The following KCNIP4 variants were observed in gnomAD, a reference collection of about 807,000 sequenced individuals.
The protein encoded by KCNIP4 is potassium voltage-gated channel interacting protein 4, also known as Kv channel-interacting protein 4.
Under a neutral mutation model 34.0 loss-of-function variants are expected in KCNIP4, and 12 were observed. That is an observed-to-expected ratio of 0.35 (90% CI 0.23 to 0.57). The LOEUF (loss-of-function observed/expected upper bound fraction) is 0.57, where lower values mean the gene tolerates loss of function less well. Among genes scored for constraint, KCNIP4 ranks in the 20% least tolerant of loss-of-function variants. KCNIP4 has a pLI of 0.83. For synonymous variants in KCNIP4, 124 were observed against 102.2 expected, an observed-to-expected ratio of 1.21 and a Z score of -1.29; for missense variants, 238 against 311.7, an observed-to-expected ratio of 0.76 and a Z score of 1.78.
intron 1 of KCNIP4, among the ~76,000 whole-genome samples, chr4:21,688,067 G>C (rs1033780457): frequency 2.6e-5 from 4 of 151,994 alleles, no homozygotes; most frequent in African/African-American, 4.8e-5. Context: ...AATTACATGG[G>C]CAAAGAAACT....
intron 1 of KCNIP4, among the ~76,000 whole-genome samples, chr4:21,436,501 CA>C (rs1726955180): frequency 6.6e-6 from 1 of 152,212 alleles, no homozygotes; most frequent in Non-Finnish European, 1.5e-5. Context: ...TTCTAAAATG[CA>C]TTCCAAAAAT....
At chr4:21,814,845 G>A (rs1190142507) in intron 1 of KCNIP4, among the ~76,000 whole-genome samples, 1 of 152,130 alleles carries the variant, frequency 6.6e-6, no homozygotes, top group East Asian at 1.9e-4. Context: ...AGTTCCACAG[G>A]AAATACCATC....
chr4:21,426,278 C>T (rs1198827215), intron 1 of KCNIP4, among the ~76,000 whole-genome samples: 1 of 152,158 alleles, frequency 6.6e-6, no homozygotes, highest in Non-Finnish European at 1.5e-5. Context: ...TAGATATGGA[C>T]ACATGGAGTC....
chr4:21,315,003 C>A (rs1713580610), intron 1 of KCNIP4, among the ~76,000 whole-genome samples: 1 of 152,152 alleles, frequency 6.6e-6, no homozygotes. Context: ...CTATTCACTT[C>A]CTCAAGTTAG....
At chr4:21,580,787 T>C (rs181397398) in intron 1 of KCNIP4, among the ~76,000 whole-genome samples, 1 of 152,196 alleles carries the variant, frequency 6.6e-6, no homozygotes, top group Admixed American at 6.5e-5. Context: ...AAGTACCTTA[T>C]ACAGTGTCAA....
intron 1 of KCNIP4, among the ~76,000 whole-genome samples, chr4:21,665,518 C>G (rs74948050): frequency 6.7e-6 from 1 of 150,052 alleles, no homozygotes; most frequent in Admixed American, 6.6e-5. Flanking sequence ...GGCACCCCCC[C>G]CCCCTCATTT....
At chr4:20,890,649 A>G (rs1165777579) in intron 1 of KCNIP4, among the ~76,000 whole-genome samples, 1 of 152,148 alleles carries the variant, frequency 6.6e-6, no homozygotes, top group Non-Finnish European at 1.5e-5. Flanking sequence ...TTACTCCCAT[A>G]TCTCTGCATC....
In KCNIP4 at chr4:21,180,909, T is replaced by A. The variant is rs116753807; in HGVS notation, c.62-298200A>T. On this transcript the variant is annotated intron_variant, in intron 1 of 8. Transcript: ENST00000382152. ...TCTAATCTCCTGGTTATGAAAAAAA[T>A]ACTTAAAAGTTTATACTGAAAGGGG... is the stretch of plus-strand genomic sequence containing the variant. Among the ~76,000 whole-genome samples, 1,519 of 152,180 alleles carry A rather than the reference T, an allele frequency of 1.0e-2. 25 individuals are homozygous for A. The highest frequency in any genetic ancestry group is 0.035 in the African/African-American group (1,442 of 41,538).
chr4:20,983,702 G>T, intron 1 of KCNIP4: 1 of 816,994 alleles, frequency 1.2e-6, no homozygotes, highest in Non-Finnish European at 1.9e-6. Flanking sequence ...TGCCAAACAT[G>T]CATATTTTAA....
intron 1 of KCNIP4, among the ~76,000 whole-genome samples, chr4:21,386,070 G>A (rs570372628): frequency 6.6e-6 from 1 of 152,194 alleles, no homozygotes; most frequent in South Asian, 2.1e-4. Context: ...ATAAATATGG[G>A]GAAATTACTT....
intron 3 of KCNIP4, among the ~76,000 whole-genome samples, chr4:20,783,874 C>A (rs750764360): frequency 2.6e-5 from 4 of 152,088 alleles, no homozygotes; most frequent in Non-Finnish European, 4.4e-5. Context: ...CATAAAGGAT[C>A]CATTTCATCA....
At chr4:21,620,749 T>C (rs761235161) in intron 1 of KCNIP4, among the ~76,000 whole-genome samples, 2 of 152,184 alleles carry the variant, frequency 1.3e-5, no homozygotes, top group Non-Finnish European at 2.9e-5. Context: ...GGAGGGGATA[T>C]AAGAGAATCC....
intron 1 of KCNIP4, among the ~76,000 whole-genome samples, chr4:20,887,165 A>G (rs549581562): frequency 6.6e-5 from 10 of 152,152 alleles, no homozygotes; most frequent in African/African-American, 2.4e-4. Flanking sequence ...ACTACTGAAG[A>G]AAGGATTATG....
At chr4:20,858,499 A>G (rs939259507) in intron 2 of KCNIP4, among the ~76,000 whole-genome samples, 4 of 152,198 alleles carry the variant, frequency 2.6e-5, no homozygotes, top group African/African-American at 9.6e-5. Context: ...TTGCACAATG[A>G]GTGCTGGGCA....
At chr4:20,875,116 C>A (rs911796618) in intron 2 of KCNIP4, among the ~76,000 whole-genome samples, 1 of 151,890 alleles carries the variant, frequency 6.6e-6, no homozygotes, top group Non-Finnish European at 1.5e-5. Flanking sequence ...AAAAAAAACT[C>A]ATTCAAGGGG....
intron 1 of KCNIP4, among the ~76,000 whole-genome samples, chr4:20,999,414 G>GTTTTTTTTTTTTTTTTTT (rs5856594): frequency 1.0e-5 from 1 of 95,348 alleles, no homozygotes; most frequent in African/African-American, 4.7e-5. Flanking sequence ...TTGTGGTGGT[G>GTTTTTTTTTTTTTTTTTT]TTTTTTTTTT....
intron 1 of KCNIP4, among the ~76,000 whole-genome samples, chr4:21,588,321 T>C (rs1343216403): frequency 2.0e-5 from 3 of 152,012 alleles, no homozygotes; most frequent in Non-Finnish European, 4.4e-5. Context: ...AAATCAAAGG[T>C]TGTTATGGTG....
intron 3 of KCNIP4, among the ~76,000 whole-genome samples, chr4:20,803,470 CAAAAAAAAAAAAAAAAAAA>C (rs551176038): frequency 0.48 from 41,663 of 87,010 alleles, 8,684 homozygotes; most frequent in Admixed American, 0.61. Context: ...TCATCTTTAC[CAAAAAAAAAAAAAAAAAAA>C]AAAAAAAAAA....
chr4:21,819,134 C>A (rs543006420), intron 1 of KCNIP4, among the ~76,000 whole-genome samples: 10 of 152,286 alleles, frequency 6.6e-5, no homozygotes, highest in African/African-American at 1.7e-4. Context: ...AGCATATTTT[C>A]TTTGCACTGA....
Sources: allele counts gnomAD v4.1 joint callset (sites outside exome capture counted in the v4.1 genomes callset), GRCh38; gene constraint gnomAD v4.1.1; transcripts MANE v1.5; gene names NCBI Gene and HGNC (gene_info 2026-07-23, HGNC 2026-07-21).